Variants in CHODL observed in about 807,000 individuals in gnomAD.
CHODL encodes the protein transmembrane protein MT75.
In CHODL, 29 loss-of-function variants were observed where a neutral mutation model predicts 34.5. The ratio of observed to expected loss-of-function variants is 0.84; its 90% confidence interval spans 0.63 to 1.15. The LOEUF (loss-of-function observed/expected upper bound fraction) is 1.15. CHODL is among the 50% of genes most tolerant of loss of function. The probability of loss-of-function intolerance (pLI) is 0.00; values close to 1 mark genes in which losing one functional copy is unlikely to be tolerated. For synonymous variants in CHODL, 125 were observed against 116.1 expected (o/e 1.08, Z -0.49); for missense variants, 332 against 332.5 (o/e 1.00, Z 0.01).
intron 1 of CHODL, among the ~76,000 whole-genome samples, chr21:17,982,753 G>A (rs2063724080): frequency 7.8e-6 from 1 of 128,678 alleles, no homozygotes; most frequent in Non-Finnish European, 1.6e-5. Context: ...TGTCACCCAG[G>A]CTGGAGTGCA....
At position 18,163,540 on chromosome 21, in the gene CHODL, G is replaced by A. The variant is rs17002415; in HGVS notation, c.-44-92969G>A. Among the ~76,000 whole-genome samples, 918 of 152,030 alleles carry A rather than the reference G, an allele frequency of 6.0e-3. 6 individuals carry two copies. The highest frequency in any genetic ancestry group is 0.021 in the African/African-American group (880 of 41,468). ...TATAGCTAGGACCAAAATTCTAGTA[G>A]GTTCTATACTTTGTTACTAAATGGG... On this transcript the variant is annotated intron_variant, in intron 2 of 6. Transcript: ENST00000400127.
chr21:18,049,124 C>T (rs1328764366), intron 2 of CHODL, among the ~76,000 whole-genome samples: 1 of 151,870 alleles, frequency 6.6e-6, no homozygotes, highest in East Asian at 1.9e-4. Context: ...TAAACAGACA[C>T]AGTGTTTAAG....
intron 1 of CHODL, among the ~76,000 whole-genome samples, chr21:18,004,389 C>A (rs1252226989): frequency 6.6e-6 from 1 of 152,144 alleles, no homozygotes; most frequent in Non-Finnish European, 1.5e-5. Flanking sequence ...TACATTAAAT[C>A]TTTCTCAAGG....
chr21:17,977,927 A>AAAAAAAAG (rs1555845731), intron 1 of CHODL, among the ~76,000 whole-genome samples: 1 of 150,570 alleles, frequency 6.6e-6, no homozygotes, highest in African/African-American at 2.4e-5. Flanking sequence ...TCAAAAAAAA[A>AAAAAAAAG]AAAAAAAGAA....
intron 2 of CHODL, among the ~76,000 whole-genome samples, chr21:18,086,422 C>A (rs971112715): frequency 6.6e-6 from 1 of 151,906 alleles, no homozygotes; most frequent in Non-Finnish European, 1.5e-5. Flanking sequence ...TCATATTTCT[C>A]TTTTTTTCAT....
intron 1 of CHODL, among the ~76,000 whole-genome samples, chr21:17,917,942 G>A (rs2824550): frequency 0.44 from 66,025 of 151,626 alleles, 14,598 homozygotes; most frequent in South Asian, 0.55. Flanking sequence ...TCTAAAGGAG[G>A]TGATGAACAA....
intron 2 of CHODL, among the ~76,000 whole-genome samples, chr21:18,203,207 A>G (rs67901188): frequency 0.081 from 12,322 of 152,246 alleles, 632 homozygotes; most frequent in African/African-American, 0.14. Flanking sequence ...AGTTTTCATG[A>G]TAAGGGAAAT....
At chr21:18,129,623 T>C (rs1244702455) in intron 2 of CHODL, among the ~76,000 whole-genome samples, 1 of 152,038 alleles carries the variant, frequency 6.6e-6, no homozygotes, top group Non-Finnish European at 1.5e-5. Context: ...TCATCTGGCA[T>C]TGGTTTACCT....
chr21:18,118,656 TTAAC>T (rs2065442416), intron 2 of CHODL, among the ~76,000 whole-genome samples: 3 of 152,238 alleles, frequency 2.0e-5, no homozygotes, highest in Middle Eastern at 6.8e-3. Context: ...TTCTAAATAA[TTAAC>T]TAAGGAAGGA....
chr21:18,018,941 T>G (rs542086951), intron 1 of CHODL, among the ~76,000 whole-genome samples: 53 of 152,212 alleles, frequency 3.5e-4, no homozygotes, highest in Non-Finnish European at 6.5e-4. Flanking sequence ...ATTGCAACCT[T>G]CTAATACCCT....
intron 2 of CHODL, among the ~76,000 whole-genome samples, chr21:18,195,244 T>C (rs1035164755): frequency 3.3e-5 from 5 of 151,948 alleles, no homozygotes; most frequent in African/African-American, 1.2e-4. Context: ...TTAGTAGAGA[T>C]GGGGATTCAA....
intron 2 of CHODL, among the ~76,000 whole-genome samples, chr21:18,146,229 G>A (rs2072887135): frequency 6.6e-6 from 1 of 151,012 alleles, no homozygotes; most frequent in Non-Finnish European, 1.5e-5. Flanking sequence ...CGCCCACCTC[G>A]GCCTCCCAAA....
chr21:18,212,311 A>G (rs1379663142), intron 2 of CHODL, among the ~76,000 whole-genome samples: 1 of 152,164 alleles, frequency 6.6e-6, no homozygotes, highest in Non-Finnish European at 1.5e-5. Context: ...TAGATCAATA[A>G]GAGACTCTTT....
chr21:18,016,257 G>T (rs1344363553), intron 1 of CHODL, among the ~76,000 whole-genome samples: 1 of 152,178 alleles, frequency 6.6e-6, no homozygotes, highest in African/African-American at 2.4e-5. Flanking sequence ...ATGGCACCCT[G>T]CATCCTAGCT....
chr21:18,035,860 G>A (rs1452388169), intron 2 of CHODL, among the ~76,000 whole-genome samples: 1 of 151,788 alleles, frequency 6.6e-6, no homozygotes, highest in African/African-American at 2.4e-5. Context: ...TATGAATTAT[G>A]GTGTGTATTA....
At position 18,256,726 on chromosome 21, in the gene CHODL, C is replaced by A. The variant is rs753371867; in HGVS notation, c.297C>A (p.Phe99Leu). 6.2e-7 allele frequency: 1 copy of A among 1,614,030 alleles called. No individual in the cohort carries two copies. The change falls in exon 2 of 6, where the codon TTC (phenylalanine) becomes TTA (leucine). Residue 99 changes from phenylalanine (F) to leucine (L), a missense_variant. Phe to Leu is a conservative substitution (Grantham distance 22). Transcript: ENST00000299295. Reference protein sequence around the residue: ...KPGTGISDGDFWIGLWRNGDG... With the variant: ...KPGTGISDGDLWIGLWRNGDG... The stretch of plus-strand genomic sequence containing the variant: ...GGACAGGGATTTCTGATGGTGATTT[C>A]TGGATAGGGCTTTGGAGGAATGGAG...
intron 2 of CHODL, among the ~76,000 whole-genome samples, chr21:18,041,445 T>A (rs984742793): frequency 2.6e-5 from 4 of 152,012 alleles, no homozygotes; most frequent in African/African-American, 7.2e-5. Flanking sequence ...TATTTTTTTT[T>A]AAATGAAAGC....
At chr21:18,167,211 C>CTCTGTG (rs1287766265) in intron 2 of CHODL, among the ~76,000 whole-genome samples, 481 of 88,148 alleles carry the variant, frequency 5.5e-3, no homozygotes, top group African/African-American at 0.019. Context: ...TTCTCTCTCT[C>CTCTGTG]TGTGTGTGTG....
At chr21:18,029,496 G>A (rs914317154) in intron 2 of CHODL, among the ~76,000 whole-genome samples, 2 of 152,158 alleles carry the variant, frequency 1.3e-5, no homozygotes, top group South Asian at 4.1e-4. Context: ...GATCAAAATA[G>A]TAATCTTTAC....
Sources: allele counts gnomAD v4.1 joint callset (sites outside exome capture counted in the v4.1 genomes callset), GRCh38; gene constraint gnomAD v4.1.1; transcripts MANE v1.5; gene names NCBI Gene and HGNC (gene_info 2026-07-23, HGNC 2026-07-21).